ERCC1: variants seen among roughly 807,000 people sequenced by gnomAD.
ERCC1 encodes DNA excision repair protein ERCC-1.
Under a neutral mutation model 37.6 loss-of-function variants are expected in ERCC1, and 36 were observed. That is an observed-to-expected ratio of 0.96 (90% CI 0.73 to 1.26). ERCC1 has a LOEUF of 1.26. Among genes scored for constraint, ERCC1 ranks in the 50% most tolerant of loss-of-function variants. The pLI is 0.00. For missense variants in ERCC1, 349 were observed against 376.5 expected (o/e 0.93, Z 0.60); for synonymous variants, 156 against 162.1 (o/e 0.96, Z 0.28).
At position 45,409,535 on chromosome 19, in the gene ERCC1, C is replaced by A. The variant is rs1973557953; in HGVS notation, c.*140G>T. On this transcript the variant is annotated 3_prime_UTR_variant, in exon 10 of 10. Transcript: ENST00000300853. ...CGGGAAACTGAGGAACTAAAGAAAG[C>A]TGAAGGTGCCCACCTGGGCCACCAG... is the stretch of plus-strand genomic sequence containing the variant. The A allele has an allele frequency of 6.3e-7, 1 of 1,579,410 alleles. No individual in the cohort carries two copies. Among genetic ancestry groups the A allele is most frequent in the Non-Finnish European group, 8.6e-7 (1 of 1,163,424 alleles).
chr19:45,435,812 G>C (rs1431045591), intron 1 of ERCC1, among the ~76,000 whole-genome samples: 2 of 151,970 alleles, frequency 1.3e-5, no homozygotes, highest in African/African-American at 4.8e-5. Flanking sequence ...CCAGGGTGGA[G>C]AGCAGTGGCG....
chr19:45,412,373 G>C (rs1157707378), intron 9 of ERCC1, among the ~76,000 whole-genome samples: 1 of 150,296 alleles, frequency 6.7e-6, no homozygotes, highest in Non-Finnish European at 1.5e-5. Flanking sequence ...TGGCCAGGCT[G>C]ATCTTGAACT....
intron 1 of ERCC1, among the ~76,000 whole-genome samples, chr19:45,444,146 C>T (rs1283544998): frequency 1.3e-5 from 2 of 151,388 alleles, no homozygotes; most frequent in Non-Finnish European, 2.9e-5. Context: ...ACCCGCTTCC[C>T]TCCAACTGAC....
rs2123437580 is a variant in ERCC1 at position 45,409,564 on chromosome 19, G to A, written c.*111C>T. The A allele has an allele frequency of 6.4e-7, 1 of 1,573,424 alleles. No homozygotes were observed. The highest frequency in any genetic ancestry group is 8.6e-7 in the Non-Finnish European group (1 of 1,159,546). On this transcript the variant is annotated 3_prime_UTR_variant, in exon 10 of 10. Transcript: ENST00000300853. ...AGGTGCCCACCTGGGCCACCAGAAG[G>A]TGACACCCCCAGAATCCCTCCCCAG... is the stretch of plus-strand genomic sequence containing the variant.
Position 45,408,575 on chromosome 19 carries a change from T to G in ERCC1, c.*1100A>C. On this transcript the variant is annotated 3_prime_UTR_variant, in exon 10 of 10. Coordinates refer to ENST00000300853, the MANE Select transcript of ERCC1 (RefSeq NM_001983.4). ...CGGGGCCCTGGAGGTGGACATGGCT[T>G]TGGGGTCGCCAGAAATGGATGTGCG... 5 of 1,612,730 alleles carry G rather than the reference T, an allele frequency of 3.1e-6. No homozygotes were observed. Among genetic ancestry groups the G allele is most frequent in the Non-Finnish European group, 4.2e-6 (5 of 1,179,698 alleles).
intron 9 of ERCC1, 170 bp from the exon 10 acceptor site, chr19:45,409,895 A>ATTTTTTTTTTT (rs57573120): frequency 2.6e-4 from 44 of 171,636 alleles, no homozygotes; most frequent in Non-Finnish European, 3.5e-4. Flanking sequence ...TATTATTATT[A>ATTTTTTTTTTT]TTTTTTTTTT....
intron 1 of ERCC1, among the ~76,000 whole-genome samples, chr19:45,430,084 G>A (rs1045410703): frequency 2.6e-5 from 4 of 152,124 alleles, no homozygotes; most frequent in Non-Finnish European, 4.4e-5. Context: ...GCGTCCAGCC[G>A]GAGCAATTCC....
Position 45,416,852 on chromosome 19 carries a change from G to C in ERCC1, c.571C>G (p.Leu191Val). ...GCGAGGATCAATGTGCAGTCGGCCA[G>C]GATACACATCTTAGCCAGCTCCTTG... ...ALKELAKMCILADCTLILAWS... is the reference protein window; with the variant it reads ...ALKELAKMCIVADCTLILAWS... The change falls in exon 6 of 10, where the codon CTG becomes GTG. Residue 191 changes from leucine (L) to valine (V), a missense_variant. Leu to Val is a conservative substitution (Grantham distance 32). Transcript: ENST00000300853. 6.2e-7 allele frequency: 1 copy of C among 1,613,752 alleles called. No homozygotes were observed. The highest frequency in any genetic ancestry group is 8.5e-7 in the Non-Finnish European group (1 of 1,179,776).
intron 1 of ERCC1, among the ~76,000 whole-genome samples, chr19:45,431,016 G>A (rs1170505512): frequency 6.6e-6 from 1 of 152,060 alleles, no homozygotes; most frequent in African/African-American, 2.4e-5. Context: ...GCAGTGGCAC[G>A]ATCTTGGCTT....
chr19:45,443,586 A>G (rs2123610534), intron 1 of ERCC1, among the ~76,000 whole-genome samples: 1 of 152,136 alleles, frequency 6.6e-6, no homozygotes. Flanking sequence ...GCGGAGAGGA[A>G]CCCGGGAGTC....
chr19:45,422,563 C>T (rs1222370129), intron 2 of ERCC1, among the ~76,000 whole-genome samples: 1 of 151,942 alleles, frequency 6.6e-6, no homozygotes. Flanking sequence ...ACTTGAGGTT[C>T]GAGACCAGCC....
intron 1 of ERCC1, among the ~76,000 whole-genome samples, chr19:45,432,368 T>G (rs1288459334): frequency 6.6e-6 from 1 of 151,642 alleles, no homozygotes; most frequent in Non-Finnish European, 1.5e-5. Flanking sequence ...GGTCTCAAAC[T>G]CAAGCGATAC....
chr19:45,446,364 G>A (rs536502990), intron 1 of ERCC1, among the ~76,000 whole-genome samples: 1 of 152,144 alleles, frequency 6.6e-6, no homozygotes, highest in African/African-American at 2.4e-5. Flanking sequence ...TGAGTTAAGA[G>A]AGGCAAAATT....
intron 9 of ERCC1, among the ~76,000 whole-genome samples, chr19:45,411,763 C>T (rs545873348): frequency 4.6e-5 from 7 of 152,072 alleles, no homozygotes; most frequent in African/African-American, 1.7e-4. Context: ...CATTGCACTC[C>T]AGCCTGGGCA....
At position 45,420,130 on chromosome 19, in the gene ERCC1, G is replaced by A. The variant is rs1974320656; in HGVS notation, c.425+194C>T. Among the ~76,000 whole-genome samples the A allele has an allele frequency of 6.6e-6, 1 of 152,162 alleles. No individual in the cohort carries two copies. Among genetic ancestry groups the A allele is most frequent in the South Asian group, 2.1e-4 (1 of 4,824 alleles). ...CTCCTTCCTGAGACCCAGGAGTTCG[G>A]GCTCCAGCTCTTGTTGCACTGGGCA... On this transcript the variant is annotated intron_variant, in intron 4 of 9. Transcript: ENST00000300853. This position sits in a 1 kb window ranked among gnomAD's most constrained non-coding sequence, Gnocchi z 4.8.
chr19:45,414,236 G>A lies in ERCC1; in HGVS notation c.703-202C>T. 6.5e-6 allele frequency: 4 copies of A among 616,818 alleles called. No homozygotes were observed. The South Asian group carries it at 7.1e-5, about 11-fold the overall frequency. The allele number at this position is 616,818 out of a possible 1,614,324, so 38.2% of individuals were successfully genotyped here. On this transcript the variant is annotated intron_variant, in intron 7 of 9. Transcript: ENST00000300853. The stretch of plus-strand genomic sequence containing the variant: ...CATGCCTAATAATCCCAGCACTTTC[G>A]AGGCCGAGGCGGGAGGATCACCTGA...
At position 45,433,614 on chromosome 19, in the gene ERCC1, G is replaced by A. The variant is rs1280903527; in HGVS notation, c.-7-10233C>T. ...GAGGCCAGAGAATTGCTTGAACCCG[G>A]GAGACAGAGGTTGCAGTGAGCCGAA... On this transcript the variant is annotated intron_variant, in intron 1 of 8. Transcript: ENST00000423698. Among the ~76,000 whole-genome samples the A allele has an allele frequency of 5.3e-5, 8 of 151,858 alleles. No homozygotes were observed. The East Asian group carries it at 1.3e-3, about 26-fold the overall frequency.
chr19:45,427,323 C>G (rs1974718940), upstream of ERCC1, among the ~76,000 whole-genome samples: 1 of 152,092 alleles, frequency 6.6e-6, no homozygotes. Flanking sequence ...AATTTTCCCC[C>G]AGGAGGCCGG....
intron 1 of ERCC1, among the ~76,000 whole-genome samples, chr19:45,444,792 C>G (rs1386620478): frequency 6.6e-6 from 1 of 152,172 alleles, no homozygotes; most frequent in Non-Finnish European, 1.5e-5. Context: ...CAGGGACGCC[C>G]CTGATGGCAG....
Sources: gnomAD v4.1 joint callset for allele counts (sites outside exome capture counted in the v4.1 genomes callset) on GRCh38, gnomAD v4.1.1 for gene constraint, Gnocchi (gnomAD v3.1) non-coding constraint, MANE v1.5 for transcripts, NCBI Gene and HGNC (gene_info 2026-07-23, HGNC 2026-07-21) for gene names.